RPF2: variants seen among roughly 807,000 people sequenced by gnomAD.
RPF2 encodes ribosome production factor 2 homolog.
RPF2 carries 21 observed loss-of-function variants against 38.9 expected under a neutral mutation model. That is an observed-to-expected ratio of 0.54 (90% CI 0.38 to 0.78). The LOEUF (loss-of-function observed/expected upper bound fraction) is 0.78, where lower values mean the gene tolerates loss of function less well. RPF2 is among the 30% of genes least tolerant of loss of function. The pLI, the probability that RPF2 is intolerant of heterozygous loss-of-function variation, is 0.00. For synonymous variants in RPF2, 121 were observed against 126.2 expected (o/e 0.96, Z 0.28); for missense variants, 314 against 358.1 (o/e 0.88, Z 0.99).
chr6:111,005,265 G>T (rs912186982), intron 6 of RPF2, among the ~76,000 whole-genome samples: 2 of 152,250 alleles, frequency 1.3e-5, no homozygotes, highest in Middle Eastern at 3.4e-3. Flanking sequence ...GAGGGTGTTT[G>T]GTTTTTGTAC....
At chr6:111,012,162 ATT>A (rs570516659) in intron 7 of RPF2, among the ~76,000 whole-genome samples, 81 of 115,652 alleles carry the variant, frequency 7.0e-4, no homozygotes, top group African/African-American at 2.4e-3. Flanking sequence ...TGTTTACATC[ATT>A]TTTTTTTTTT....
intron 3 of RPF2, among the ~76,000 whole-genome samples, chr6:110,989,951 T>G (rs562416587): frequency 8.4e-5 from 12 of 143,260 alleles, no homozygotes; most frequent in Admixed American, 7.0e-4. Context: ...TTTTCTTTTT[T>G]TTTTAAGACG....
At chr6:110,988,459 A>G (rs80088398) in intron 2 of RPF2, among the ~76,000 whole-genome samples, 1 of 145,608 alleles carries the variant, frequency 6.9e-6, no homozygotes, top group African/African-American at 2.6e-5. Context: ...TTTCTGAGAC[A>G]GGGTCTCACT....
chr6:110,991,877 A>C (rs945002187), intron 4 of RPF2, 91 bp downstream of exon 4: 4 of 458,182 alleles, frequency 8.7e-6, no homozygotes, highest in Non-Finnish European at 1.6e-5. Flanking sequence ...TGATTTTTTT[A>C]AACATTAGAA....
chr6:111,004,434 G>C (rs927126596), intron 6 of RPF2, among the ~76,000 whole-genome samples: 1 of 151,872 alleles, frequency 6.6e-6, no homozygotes, highest in Non-Finnish European at 1.5e-5. Flanking sequence ...CACCCACCTC[G>C]GCCTCCCAGA....
At chr6:110,994,894 C>T (rs1402453021) in intron 4 of RPF2, among the ~76,000 whole-genome samples, 1 of 151,852 alleles carries the variant, frequency 6.6e-6, no homozygotes, top group Non-Finnish European at 1.5e-5. Context: ...TTGATTTAGA[C>T]ATACAAAATA....
chr6:111,027,867 C>T lies in RPF2; in HGVS notation c.*2285C>T, dbSNP rs2114365480. ...CCTTGTAGTGTTGTACTATCTGGAACTCTTGAGCTGCCATTTATATCACTT... is the reference window on the plus strand; with the variant it reads ...CCTTGTAGTGTTGTACTATCTGGAATTCTTGAGCTGCCATTTATATCACTT... On this transcript the variant is annotated 3_prime_UTR_variant, in exon 10 of 10. Coordinates refer to ENST00000441448, the MANE Select transcript of RPF2 (RefSeq NM_032194.3). 1 of 152,298 alleles carries T rather than the reference C, an allele frequency of 6.6e-6. No homozygotes were observed. The highest frequency in any genetic ancestry group is 2.4e-5 in the African/African-American group (1 of 41,556). 9.4% of individuals were successfully genotyped at this position (152,298 alleles called of 1,614,324 possible). A position where few individuals can be genotyped will look rare whatever the true frequency, so the allele number is the denominator to read the frequency against.
intron 6 of RPF2, among the ~76,000 whole-genome samples, chr6:111,002,577 C>T (rs975727583): frequency 6.6e-6 from 1 of 152,114 alleles, no homozygotes; most frequent in Non-Finnish European, 1.5e-5. Flanking sequence ...AAGCGATCCT[C>T]CCGCCTTGGC....
rs1255074125 is a variant in RPF2 at position 111,015,841 on chromosome 6, A to G, written c.581A>G (p.Tyr194Cys). The G allele has an allele frequency of 6.2e-7, 1 of 1,607,740 alleles. No homozygotes were observed. The highest frequency in any genetic ancestry group is 1.7e-5 in the Admixed American group (1 of 60,008). The change falls in exon 8 of 10, where the codon TAC becomes TGC. Residue 194 changes from tyrosine (Y) to cysteine (C), a missense_variant. By Grantham distance (194) the Tyr-to-Cys change is radical. Coordinates refer to ENST00000441448, the MANE Select transcript of RPF2 (RefSeq NM_032194.3). ...LHFTALNGKI[Y>C]FRSYKLLLKK... ...TTCACTGCACTGAATGGGAAGATTT[A>G]CTTTCGAAGCTATAAGTAAGTGCAT...
chr6:111,021,167 CA>C (rs1305208821), intron 8 of RPF2, among the ~76,000 whole-genome samples: 2 of 151,310 alleles, frequency 1.3e-5, no homozygotes, highest in African/African-American at 4.9e-5. Flanking sequence ...GACTCTGTCT[CA>C]AAAAAATAAA....
intron 8 of RPF2, among the ~76,000 whole-genome samples, chr6:111,016,684 TTTC>T (rs750894353): frequency 0.1 from 10,491 of 101,456 alleles, 365 homozygotes; most frequent in African/African-American, 0.16. Context: ...TTTTTTTTTC[TTTC>T]TTTTTTTTTT....
intron 1 of RPF2, among the ~76,000 whole-genome samples, chr6:110,984,056 A>T (rs2114284468): frequency 6.6e-6 from 1 of 152,080 alleles, no homozygotes; most frequent in Admixed American, 6.5e-5. Flanking sequence ...AATAAATAAG[A>T]ATTGTAACTC....
chr6:111,024,083 A>G, intron 8 of RPF2, 100 bp from the exon 9 acceptor site: 4 of 998,296 alleles, frequency 4.0e-6, no homozygotes, highest in Non-Finnish European at 5.8e-6. Flanking sequence ...AACATTTTAT[A>G]TCATTTAATG....
chr6:110,998,660 G>T (rs1428603811), intron 5 of RPF2, among the ~76,000 whole-genome samples: 1 of 152,072 alleles, frequency 6.6e-6, no homozygotes, highest in Non-Finnish European at 1.5e-5. Flanking sequence ...AGGCAGACAC[G>T]CACAGGACAG....
intron 6 of RPF2, among the ~76,000 whole-genome samples, chr6:111,001,399 A>G (rs1268608417): frequency 6.6e-6 from 1 of 151,496 alleles, no homozygotes; most frequent in Non-Finnish European, 1.5e-5. Flanking sequence ...TTCTTTCGAG[A>G]CAGGGTCTTG....
chr6:111,020,955 G>A (rs1406186459), intron 8 of RPF2, among the ~76,000 whole-genome samples: 1 of 152,136 alleles, frequency 6.6e-6, no homozygotes, highest in Non-Finnish European at 1.5e-5. Context: ...AGATCACGAG[G>A]TCAGGAGATC....
intron 2 of RPF2, among the ~76,000 whole-genome samples, chr6:110,985,603 T>C (rs1310597871): frequency 6.6e-6 from 1 of 152,152 alleles, no homozygotes; most frequent in African/African-American, 2.4e-5. Flanking sequence ...TACACTGTGC[T>C]GTGCTGGAGG....
intron 1 of RPF2, chr6:110,982,528 GCTT>G: frequency 3.2e-5 from 7 of 221,162 alleles, no homozygotes; most frequent in South Asian, 1.5e-4. Flanking sequence ...CTAAATCTTA[GCTT>G]ATTCTGTAAA....
At chr6:110,999,809 A>C (rs778523047) in intron 6 of RPF2, 22 bp downstream of exon 6, 7 of 1,349,080 alleles carry the variant, frequency 5.2e-6, no homozygotes, top group Admixed American at 3.4e-5. Context: ...ATAGAAATGA[A>C]AAGTATTTTG....
Sources: allele counts gnomAD v4.1 joint callset (sites outside exome capture counted in the v4.1 genomes callset), GRCh38; gene constraint gnomAD v4.1.1; transcripts MANE v1.5; gene names NCBI Gene and HGNC (gene_info 2026-07-23, HGNC 2026-07-21).